MYO10: variants seen among roughly 807,000 people sequenced by gnomAD.
MYO10 encodes unconventional myosin-X.
Under a neutral mutation model 257.3 loss-of-function variants are expected in MYO10, and 133 were observed. That is an observed-to-expected ratio of 0.52 (90% CI 0.45 to 0.60). MYO10 has a LOEUF of 0.60. MYO10 is among the 20% of genes least tolerant of loss of function. The pLI is 0.00. For missense variants in MYO10, 2,399 were observed against 2,635.7 expected, an observed-to-expected ratio of 0.91 and a Z score of 1.97; for synonymous variants, 1,104 against 1,028.6, an observed-to-expected ratio of 1.07 and a Z score of -1.40.
intron 19 of MYO10, among the ~76,000 whole-genome samples, chr5:16,754,498 C>T (rs1310895746): frequency 2.0e-5 from 3 of 151,080 alleles, no homozygotes; most frequent in Middle Eastern, 6.4e-3. Context: ...CACCACACAT[C>T]AAATATTTCC....
At chr5:16,799,727 C>T (rs928274687) in intron 3 of MYO10, among the ~76,000 whole-genome samples, 1 of 152,168 alleles carries the variant, frequency 6.6e-6, no homozygotes, top group Non-Finnish European at 1.5e-5. Context: ...CTCCTGACCT[C>T]AGGTGATCCA....
intron 19 of MYO10, among the ~76,000 whole-genome samples, chr5:16,723,249 G>A (rs250469): frequency 3.9e-5 from 6 of 151,982 alleles, no homozygotes; most frequent in East Asian, 1.9e-4. Flanking sequence ...TTAGCTGGGC[G>A]TGGTGGTGGG....
chr5:16,666,874 C>A (rs1736196867), intron 40 of MYO10, 81 bp from the exon 41 acceptor site: 1 of 1,129,716 alleles, frequency 8.9e-7, no homozygotes, highest in Non-Finnish European at 1.3e-6. Flanking sequence ...CCAGACATTC[C>A]CTGGGCACCC....
At chr5:16,851,599 G>A (rs1033015142) in intron 2 of MYO10, among the ~76,000 whole-genome samples, 1 of 152,136 alleles carries the variant, frequency 6.6e-6, no homozygotes, top group African/African-American at 2.4e-5. Context: ...CATAATGTGA[G>A]CTCACTGTCC....
chr5:16,888,930 T>A (rs750709831), intron 1 of MYO10, among the ~76,000 whole-genome samples: 2 of 152,026 alleles, frequency 1.3e-5, no homozygotes, highest in Non-Finnish European at 2.9e-5. Flanking sequence ...CCAGCACTTT[T>A]GAGAGGCTGA....
In MYO10 at chr5:16,838,616, A is replaced by G. The variant is rs1035992779; in HGVS notation, c.121-20449T>C. Among the ~76,000 whole-genome samples the G allele has an allele frequency of 1.7e-4, 26 of 152,216 alleles. 1 individual carries two copies. The highest frequency in any genetic ancestry group is 6.3e-4 in the African/African-American group (26 of 41,450). On this transcript the variant is annotated intron_variant, in intron 2 of 40. Coordinates refer to ENST00000513610, the MANE Select transcript of MYO10 (RefSeq NM_012334.3). ...GCAGCAAGTTATTCAGAAGATCTAA[A>G]TAAGATCATTGATGAAGGTGGCTAC...
intron 3 of MYO10, among the ~76,000 whole-genome samples, chr5:16,795,292 A>G (rs1741904659): frequency 6.6e-6 from 1 of 152,160 alleles, no homozygotes; most frequent in Non-Finnish European, 1.5e-5. Flanking sequence ...CAGAGTTTCT[A>G]TTTAGGGTGA....
In MYO10 at chr5:16,858,789, C is replaced by G. The variant is rs144870474; in HGVS notation, c.120+18820G>C. On this transcript the variant is annotated intron_variant, in intron 2 of 40. Transcript: ENST00000513610. ...CCTGGCCAACACGGTGAAACCCCATCTCTACTAAAAATATAAAAATTAGCC... is the reference window on the plus strand; with the variant it reads ...CCTGGCCAACACGGTGAAACCCCATGTCTACTAAAAATATAAAAATTAGCC... Among the ~76,000 whole-genome samples the G allele has an allele frequency of 4.5e-4, 68 of 152,204 alleles. 1 individual carries two copies. The South Asian group carries it at 8.7e-3, about 20-fold the overall frequency.
At chr5:16,673,651 A>G in intron 36 of MYO10, 31 bp downstream of exon 36, 1 of 1,597,042 alleles carries the variant, frequency 6.3e-7, no homozygotes, top group South Asian at 1.1e-5. Context: ...AAAGGCATCT[A>G]ACAGAACAAG....
At chr5:16,932,341 T>C (rs1746314588) in intron 1 of MYO10, among the ~76,000 whole-genome samples, 1 of 152,172 alleles carries the variant, frequency 6.6e-6, no homozygotes, top group Non-Finnish European at 1.5e-5. Flanking sequence ...TGGTACTTAC[T>C]GGCCCCTACT....
chr5:16,850,913 T>A (rs1291908476), intron 2 of MYO10, among the ~76,000 whole-genome samples: 1 of 151,902 alleles, frequency 6.6e-6, no homozygotes, highest in Non-Finnish European at 1.5e-5. Context: ...GCAATTCTCC[T>A]GCCTCCAAGT....
At chr5:16,895,723 T>C (rs1162032297) in intron 1 of MYO10, among the ~76,000 whole-genome samples, 1 of 142,854 alleles carries the variant, frequency 7.0e-6, no homozygotes, top group African/African-American at 2.6e-5. Context: ...ACTCTGGCCA[T>C]GATGTAAGCC....
At chr5:16,689,789 A>G in intron 28 of MYO10, 35 bp downstream of exon 28, 1 of 1,509,948 alleles carries the variant, frequency 6.6e-7, no homozygotes, top group African/African-American at 1.4e-5. Flanking sequence ...AGGGAGCAGG[A>G]TGTGGGTAAC....
At position 16,927,916 on chromosome 5, in the gene MYO10, T is replaced by C. The variant is rs150979411; in HGVS notation, c.21+7872A>G. On this transcript the variant is annotated intron_variant, in intron 1 of 40. Transcript: ENST00000513610. ...AACACCTCTTAGCAAGGCAGCAAAA[T>C]GTTTTATTCAAGGAATGCTCTTGGG... Among the ~76,000 whole-genome samples the C allele has an allele frequency of 4.8e-4, 73 of 152,296 alleles. 1 individual carries two copies. Among genetic ancestry groups the C allele is most frequent in the African/African-American group, 1.8e-3 (73 of 41,570 alleles).
intron 1 of MYO10, among the ~76,000 whole-genome samples, chr5:16,880,166 T>TA (rs1412238410): frequency 7.0e-6 from 1 of 142,668 alleles, no homozygotes; most frequent in Non-Finnish European, 1.6e-5. Context: ...GGTGACAGAG[T>TA]AAACTCTATC....
In MYO10 at chr5:16,671,430, A is replaced by C; in HGVS notation, c.5422T>G (p.Phe1808Val). 6.2e-7 allele frequency: 1 copy of C among 1,613,916 alleles called. No homozygotes were observed. Among genetic ancestry groups the C allele is most frequent in the Non-Finnish European group, 8.5e-7 (1 of 1,179,852 alleles). Residue 1808 changes from phenylalanine to valine, a missense_variant, in exon 38 of 41, where the codon TTT (phenylalanine) becomes GTT (valine). Phe to Val is a conservative substitution (Grantham distance 50, BLOSUM62 -1). Coordinates refer to ENST00000513610, the MANE Select transcript of MYO10 (RefSeq NM_012334.3). ...CTAACTATTCCTTTTACCTGTTCAA[A>C]CATAAATGCAAACTCCACACTGTCT... ...PKDSVEFAFM[F>V]EQAHEAVIHG...
intron 19 of MYO10, among the ~76,000 whole-genome samples, chr5:16,718,069 C>T (rs2126592408): frequency 6.6e-6 from 1 of 152,328 alleles, no homozygotes; most frequent in African/African-American, 2.4e-5. Flanking sequence ...CCTGCTGGCC[C>T]CGGGCAATGG....
intron 4 of MYO10, among the ~76,000 whole-genome samples, chr5:16,792,172 C>CAGAGAG (rs1223569467): frequency 2.2e-5 from 3 of 139,244 alleles, no homozygotes; most frequent in African/African-American, 8.5e-5. Context: ...GAGGGAGAGA[C>CAGAGAG]AGAGACAGAC....
chr5:16,751,648 A>G (rs1344160506), intron 19 of MYO10, among the ~76,000 whole-genome samples: 1 of 140,876 alleles, frequency 7.1e-6, no homozygotes, highest in South Asian at 2.2e-4. Context: ...AACCTGGCTA[A>G]TTTTTTTTTT....
Sources: allele counts gnomAD v4.1 joint callset (sites outside exome capture counted in the v4.1 genomes callset), GRCh38; gene constraint gnomAD v4.1.1; transcripts MANE v1.5; gene names NCBI Gene and HGNC (gene_info 2026-07-23, HGNC 2026-07-21).